SIAE: variants seen among roughly 807,000 people sequenced by gnomAD.
SIAE encodes sialate O-acetylesterase.
In SIAE, 39 loss-of-function variants were observed where a neutral mutation model predicts 52.6. That is an observed-to-expected ratio of 0.74 (90% confidence interval 0.57 to 0.97). The LOEUF is 0.97. Among genes scored for constraint, SIAE ranks in the 50% least tolerant of loss-of-function variants. The pLI is 0.00. For missense variants in SIAE, 592 were observed against 662.1 expected, an observed-to-expected ratio of 0.89 and a Z score of 1.16; for synonymous variants, 233 against 241.4, an observed-to-expected ratio of 0.97 and a Z score of 0.32.
rs1297493506 is a variant in SIAE at position 124,663,635 on chromosome 11, G to A, written c.230-2832C>T. On this transcript the variant is annotated intron_variant, in intron 2 of 9. Coordinates refer to ENST00000263593, the MANE Select transcript of SIAE (RefSeq NM_170601.5). Reference sequence around the variant, plus strand: ...CCTATGTAAGCATATACAAAGGACAGCAGCACCTGTGAAGACTGTTTCTTA... The same window carrying A: ...CCTATGTAAGCATATACAAAGGACAACAGCACCTGTGAAGACTGTTTCTTA... Among the ~76,000 whole-genome samples the A allele has an allele frequency of 2.6e-5, 4 of 152,182 alleles. No homozygotes were observed. The East Asian group carries it at 7.7e-4, about 29-fold the overall frequency.
chr11:124,673,590 G>C (rs1031369215), intron 1 of SIAE, 52 bp downstream of exon 1: 3 of 1,586,292 alleles, frequency 1.9e-6, no homozygotes, highest in Non-Finnish European at 2.6e-6. Context: ...ACGGGGTCTC[G>C]GAGCCCGCAC....
At position 124,669,482 on chromosome 11, in the gene SIAE, A is replaced by G. The variant is rs750164313; in HGVS notation, c.107T>C (p.Met36Thr). Residue 36 changes from methionine to threonine, a missense_variant, in exon 2 of 10, where the codon ATG (methionine) becomes ACG (threonine). By Grantham distance (81) the Met-to-Thr change is moderately conservative. Coordinates refer to ENST00000263593, the MANE Select transcript of SIAE (RefSeq NM_170601.5). ...CCCAGCAGGCTCCTTCTGCAGCACC[A>G]TATCATTATTGATGTATGAAGCAAA... is the stretch of plus-strand genomic sequence containing the variant. ...FRFASYINND[M>T]VLQKEPAGAV... The G allele has an allele frequency of 5.6e-6, 9 of 1,614,076 alleles. No homozygotes were observed. The South Asian group carries it at 6.6e-5, about 12-fold the overall frequency.
rs147649509 is a variant in SIAE at position 124,647,390 on chromosome 11, C to T, written c.941G>A (p.Arg314His). The change falls in exon 7 of 10, where the codon CGT becomes CAT. Residue 314 changes from arginine (R) to histidine (H), a missense_variant. Coordinates refer to ENST00000263593, the MANE Select transcript of SIAE (RefSeq NM_170601.5). ...CTGGACAAGTCCAAATGGGAAGAAACGCTCCGTCTGCCCCTGGGAACCACG... is the reference window on the plus strand; with the variant it reads ...CTGGACAAGTCCAAATGGGAAGAAATGCTCCGTCTGCCCCTGGGAACCACG... ...FHRGSQGQTE[R>H]FFPFGLVQLS... The T allele has an allele frequency of 1.2e-4, 200 of 1,614,170 alleles. 2 individuals carry two copies. The highest frequency in any genetic ancestry group is 6.9e-4 in the South Asian group (63 of 91,082).
intron 3 of SIAE, 59 bp from the exon 4 acceptor site, chr11:124,654,852 C>G (rs1212651991): frequency 6.3e-7 from 1 of 1,599,306 alleles, no homozygotes; most frequent in African/African-American, 1.3e-5. Context: ...CCTGACACCT[C>G]TTAGTAAACA....
At chr11:124,655,822 C>T (rs1022422577) in intron 3 of SIAE, among the ~76,000 whole-genome samples, 2 of 152,116 alleles carry the variant, frequency 1.3e-5, no homozygotes, top group Non-Finnish European at 2.9e-5. Context: ...CTCTATATTA[C>T]TTATACCTAA....
At chr11:124,653,013 T>C (rs986061855) in intron 4 of SIAE, among the ~76,000 whole-genome samples, 3 of 152,186 alleles carry the variant, frequency 2.0e-5, no homozygotes, top group African/African-American at 7.2e-5. Flanking sequence ...CCAAATTTGA[T>C]TGAGTCCTGA....
chr11:124,672,751 T>A (rs1468656699), intron 1 of SIAE, among the ~76,000 whole-genome samples: 2 of 152,134 alleles, frequency 1.3e-5, no homozygotes, highest in African/African-American at 4.8e-5. Context: ...GAACAATCAT[T>A]TATGGGCTGC....
At chr11:124,669,186 TG>T (rs1943313993) in intron 2 of SIAE, among the ~76,000 whole-genome samples, 173 bp downstream of exon 2, 1 of 152,248 alleles carries the variant, frequency 6.6e-6, no homozygotes, top group Non-Finnish European at 1.5e-5. Context: ...TATTTTTGTT[TG>T]TATCCTCAGT....
chr11:124,659,749 A>G (rs2134381061), intron 3 of SIAE: 1 of 152,214 alleles, frequency 6.6e-6, no homozygotes, highest in South Asian at 2.1e-4. Flanking sequence ...ATTCTAAATC[A>G]GAAAACTAAT....
chr11:124,640,013 T>G, intron 7 of SIAE, 146 bp from the exon 8 acceptor site: 1 of 1,017,886 alleles, frequency 9.8e-7, no homozygotes, highest in Non-Finnish European at 1.5e-6. Context: ...GTTGTGGCAG[T>G]GTCTCTCCAA....
At chr11:124,640,868 G>A (rs911772604) in intron 7 of SIAE, among the ~76,000 whole-genome samples, 19 of 152,290 alleles carry the variant, frequency 1.2e-4, no homozygotes, top group Non-Finnish European at 2.9e-5. Context: ...TAAGAAGGAC[G>A]TGCCTGGGCT....
intron 4 of SIAE, among the ~76,000 whole-genome samples, chr11:124,653,597 C>G (rs895715795): frequency 6.6e-6 from 1 of 151,994 alleles, no homozygotes; most frequent in Non-Finnish European, 1.5e-5. Context: ...TCAAGGTGAA[C>G]AAATTGTTGA....
intron 7 of SIAE, among the ~76,000 whole-genome samples, chr11:124,644,835 C>CG (rs2134360398): frequency 6.6e-6 from 1 of 152,296 alleles, no homozygotes; most frequent in African/African-American, 2.4e-5. Flanking sequence ...CTGGTCTCTC[C>CG]GTGGAACTCA....
In SIAE at chr11:124,647,395, C is replaced by T. The variant is rs538047865; in HGVS notation, c.936G>A (p.Thr312=). Residue 312 remains threonine, a synonymous_variant, in exon 7 of 10, where the codon ACG becomes ACA. Coordinates refer to ENST00000263593, the MANE Select transcript of SIAE (RefSeq NM_170601.5). ...CAAGTCCAAATGGGAAGAAACGCTC[C>T]GTCTGCCCCTGGGAACCACGGTGGA... The part of the protein sequence containing the change: ...ETFHRGSQGQ[T]ERFFPFGLVQ... The T allele has an allele frequency of 2.0e-5, 33 of 1,614,204 alleles. No individual in the cohort carries two copies. Among genetic ancestry groups the T allele is most frequent in the South Asian group, 6.6e-5 (6 of 91,086 alleles).
intron 3 of SIAE, among the ~76,000 whole-genome samples, chr11:124,657,386 CTA>C (rs1431917085): frequency 1.3e-5 from 2 of 152,230 alleles, no homozygotes; most frequent in Admixed American, 1.3e-4. Flanking sequence ...ACTCAGGATC[CTA>C]TGTTGCTTCC....
chr11:124,644,367 A>C (rs886988017), intron 7 of SIAE, among the ~76,000 whole-genome samples: 2 of 148,426 alleles, frequency 1.3e-5, no homozygotes, highest in Non-Finnish European at 3.0e-5. Flanking sequence ...AAAAAAAAAA[A>C]AAAAAAACTA....
chr11:124,644,251 C>A (rs532398130), intron 7 of SIAE, among the ~76,000 whole-genome samples: 2 of 151,386 alleles, frequency 1.3e-5, no homozygotes, highest in East Asian at 3.9e-4. Flanking sequence ...ATTAAGTCAC[C>A]CTACTTCTTC....
At chr11:124,652,647 T>C (rs552215637) in intron 4 of SIAE, among the ~76,000 whole-genome samples, 17 of 137,546 alleles carry the variant, frequency 1.2e-4, no homozygotes, top group Non-Finnish European at 2.3e-4. Flanking sequence ...TGAGCCAAGA[T>C]CACATCACTG....
At chr11:124,675,187 A>C, upstream of SIAE, 1 of 1,514,482 alleles carries the variant, frequency 6.6e-7, no homozygotes, top group Non-Finnish European at 8.9e-7. Flanking sequence ...TTGTGATTAT[A>C]TAAGTAAAAT....
Sources: gnomAD v4.1 joint callset for allele counts (sites outside exome capture counted in the v4.1 genomes callset) on GRCh38, gnomAD v4.1.1 for gene constraint, MANE v1.5 for transcripts, NCBI Gene and HGNC (gene_info 2026-07-23, HGNC 2026-07-21) for gene names.